The following OPCML variants were observed in gnomAD, a reference collection of about 807,000 sequenced individuals.
OPCML encodes opioid-binding protein/cell adhesion molecule.
OPCML carries 13 observed loss-of-function variants against 37.8 expected under a neutral mutation model. That is an observed-to-expected ratio of 0.34 (90% CI 0.22 to 0.55). The LOEUF is 0.55. Ranked by LOEUF, OPCML falls within the 20% of genes least tolerant of loss-of-function variation. The probability of loss-of-function intolerance (pLI) is 0.91; values close to 1 mark genes in which losing one functional copy is unlikely to be tolerated. For missense variants in OPCML, 341 were observed against 435.6 expected, an observed-to-expected ratio of 0.78 and a Z score of 1.93; for synonymous variants, 176 against 168.8, an observed-to-expected ratio of 1.04 and a Z score of -0.33.
chr11:132,947,852 T>G (rs1468089060), intron 1 of OPCML, among the ~76,000 whole-genome samples: 1 of 152,210 alleles, frequency 6.6e-6, no homozygotes, highest in Non-Finnish European at 1.5e-5. Context: ...GTTTCAGATT[T>G]TGAATTATTT....
intron 1 of OPCML, among the ~76,000 whole-genome samples, chr11:133,071,317 G>C (rs962766140): frequency 1.3e-5 from 2 of 152,086 alleles, no homozygotes; most frequent in Admixed American, 1.3e-4. Context: ...TCAGCAAAAG[G>C]GTTTTGCAAC....
At chr11:132,441,237 G>C (rs375819837) in intron 4 of OPCML, among the ~76,000 whole-genome samples, 1 of 132,010 alleles carries the variant, frequency 7.6e-6, no homozygotes, top group Non-Finnish European at 1.5e-5. Flanking sequence ...GCGGGATCTC[G>C]GCTCACTGCA....
intron 1 of OPCML, among the ~76,000 whole-genome samples, chr11:133,015,091 TAAAGA>T (rs1041555361): frequency 1.3e-5 from 2 of 151,992 alleles, no homozygotes; most frequent in African/African-American, 4.8e-5. Context: ...TCTTCTAAAT[TAAAGA>T]AAAGAAACCT....
chr11:133,174,621 C>A lies in OPCML; in HGVS notation c.62-231611G>T. 7.7e-6 allele frequency among the ~76,000 whole-genome samples: 1 copy of A among 130,594 alleles called. No individual in the cohort carries two copies. 85.7% of individuals were successfully genotyped at this position (130,594 alleles called of 152,430 possible). On this transcript the variant is annotated intron_variant, in intron 1 of 7. Coordinates refer to ENST00000524381, the MANE Select transcript of OPCML (RefSeq NM_001012393.5). This position sits in a 1 kb window ranked among gnomAD's most constrained non-coding sequence, Gnocchi z 4.6. ...CATTTATTTGTGTTGAAAAAATGCT[C>A]ATGGAATGCTGTTTAGTGAAAAAAA...
rs1037632837 is a variant in OPCML at position 132,786,661 on chromosome 11, T to C, written c.147-129342A>G. Among the ~76,000 whole-genome samples, 6 of 152,316 alleles carry C rather than the reference T, an allele frequency of 3.9e-5. 1 individual carries two copies. Among genetic ancestry groups the C allele is most frequent in the South Asian group, 2.1e-4 (1 of 4,824 alleles). The stretch of plus-strand genomic sequence containing the variant: ...TTATTACAACATAGATTTAGATTGC[T>C]ATAGTTTGTGGACTTAGGTTGTACC... On this transcript the variant is annotated intron_variant, in intron 2 of 7. Transcript: ENST00000524381.
At chr11:133,474,398 A>C (rs1207880191) in intron 1 of OPCML, among the ~76,000 whole-genome samples, 1 of 152,222 alleles carries the variant, frequency 6.6e-6, no homozygotes, top group Admixed American at 6.5e-5. Context: ...AATGCCATTC[A>C]TTTATGAATT....
intron 1 of OPCML, among the ~76,000 whole-genome samples, chr11:133,076,194 T>C (rs115122544): frequency 0.014 from 2,137 of 152,324 alleles, 52 homozygotes; most frequent in African/African-American, 0.049. Flanking sequence ...TAATATTTTG[T>C]AGACACGCTT....
chr11:133,134,318 G>A (rs149432333), intron 1 of OPCML, among the ~76,000 whole-genome samples: 1 of 152,264 alleles, frequency 6.6e-6, no homozygotes, highest in Non-Finnish European at 1.5e-5. Context: ...AGTGATTTGA[G>A]CATCTACAAA....
At chr11:133,397,672 C>G (rs1292288207) in intron 1 of OPCML, among the ~76,000 whole-genome samples, 1 of 152,238 alleles carries the variant, frequency 6.6e-6, no homozygotes, top group Non-Finnish European at 1.5e-5. Flanking sequence ...ACAGAAAGCA[C>G]ACAAATTCAT....
chr11:132,687,636 T>C (rs1478538200), intron 2 of OPCML, among the ~76,000 whole-genome samples: 1 of 151,830 alleles, frequency 6.6e-6, no homozygotes, highest in African/African-American at 2.4e-5. Flanking sequence ...TTAAATGAGC[T>C]TCTTCCATCT....
At chr11:133,330,272 G>C (rs1453081331) in intron 1 of OPCML, among the ~76,000 whole-genome samples, 1 of 152,236 alleles carries the variant, frequency 6.6e-6, no homozygotes, top group Non-Finnish European at 1.5e-5. Flanking sequence ...GTGGAAGTCA[G>C]TGTGGCGATT....
At chr11:132,540,553 C>G (rs1054689615) in intron 3 of OPCML, among the ~76,000 whole-genome samples, 4 of 152,190 alleles carry the variant, frequency 2.6e-5, no homozygotes, top group Non-Finnish European at 5.9e-5. Context: ...GTGAATGAGA[C>G]TCCCTCCATG....
chr11:132,428,189 C>G (rs2095984035), intron 7 of OPCML, among the ~76,000 whole-genome samples: 1 of 152,120 alleles, frequency 6.6e-6, no homozygotes, highest in African/African-American at 2.4e-5. Context: ...AGATTTGGAA[C>G]ATACAGGAGG....
At chr11:132,742,105 G>A (rs1200632244) in intron 2 of OPCML, among the ~76,000 whole-genome samples, 3 of 152,116 alleles carry the variant, frequency 2.0e-5, no homozygotes, top group Non-Finnish European at 4.4e-5. Flanking sequence ...AATGGTGTGA[G>A]ATAATGATGT....
intron 1 of OPCML, chr11:133,004,570 C>T: frequency 1.0e-6 from 1 of 985,464 alleles, no homozygotes; most frequent in Non-Finnish European, 1.2e-6. Context: ...TGCCAATGCC[C>T]ATGCAGGCAC....
chr11:132,557,593 G>C (rs759957002), intron 3 of OPCML, among the ~76,000 whole-genome samples: 1 of 152,084 alleles, frequency 6.6e-6, no homozygotes, highest in Non-Finnish European at 1.5e-5. Flanking sequence ...TCCAAAGTTC[G>C]CCTCTTCAAG....
chr11:133,194,337 A>C (rs1485513898), intron 1 of OPCML, among the ~76,000 whole-genome samples: 1 of 151,098 alleles, frequency 6.6e-6, no homozygotes. Flanking sequence ...CAGCCTCCTG[A>C]GTAGCTGGGA....
chr11:133,281,370 G>A (rs1412629551), intron 1 of OPCML, among the ~76,000 whole-genome samples: 2 of 152,104 alleles, frequency 1.3e-5, no homozygotes, highest in Non-Finnish European at 2.9e-5. Flanking sequence ...TTGTTTAAAA[G>A]AGTGTGGCAT....
At chr11:132,617,841 A>C (rs1939134480) in intron 3 of OPCML, among the ~76,000 whole-genome samples, 1 of 152,194 alleles carries the variant, frequency 6.6e-6, no homozygotes, top group Admixed American at 6.5e-5. Context: ...TTGAGGCCCT[A>C]ACCTTATGAA....
Sources: gnomAD v4.1 joint callset for allele counts (sites outside exome capture counted in the v4.1 genomes callset) on GRCh38, gnomAD v4.1.1 for gene constraint, Gnocchi (gnomAD v3.1) non-coding constraint, MANE v1.5 for transcripts, NCBI Gene and HGNC (gene_info 2026-07-23, HGNC 2026-07-21) for gene names.